SPSB4: variants seen among roughly 807,000 people sequenced by gnomAD.
SPSB4 encodes the protein splA/ryanodine receptor domain and SOCS box containing 4, also known as SPRY domain-containing SOCS box protein 4.
A neutral mutation model predicts 20.9 loss-of-function variants in SPSB4; 21 were observed. The ratio of observed to expected loss-of-function variants is 1.01; its 90% CI spans 0.71 to 1.45. The LOEUF is 1.45. SPSB4 is among the 40% of genes most tolerant of loss of function. The pLI, the probability that SPSB4 is intolerant of heterozygous loss-of-function variation, is 0.00. For synonymous variants in SPSB4, 207 were observed against 183.8 expected (o/e 1.13, Z -1.02); for missense variants, 399 against 399.2 (o/e 1.00, Z 0.00).
chr3:141,113,356 T>G (rs1938833736), intron 2 of SPSB4, among the ~76,000 whole-genome samples: 1 of 152,188 alleles, frequency 6.6e-6, no homozygotes, highest in African/African-American at 2.4e-5. Context: ...AGCAGCACCA[T>G]TCACAACAGC....
At chr3:141,134,056 C>CTTTTTTTTT (rs1222303281) in intron 2 of SPSB4, among the ~76,000 whole-genome samples, 11 of 61,632 alleles carry the variant, frequency 1.8e-4, no homozygotes, top group South Asian at 6.4e-4. Context: ...TTTCTTTTTT[C>CTTTTTTTTT]TTTTTTTTTT....
chr3:141,060,251 T>C (rs988794363), intron 1 of SPSB4, among the ~76,000 whole-genome samples: 2 of 152,208 alleles, frequency 1.3e-5, no homozygotes, highest in African/African-American at 2.4e-5. Context: ...GGGGCTGCTG[T>C]TTGGCTGTTG....
At chr3:141,082,661 A>G (rs1487694759) in intron 2 of SPSB4, among the ~76,000 whole-genome samples, 3 of 151,126 alleles carry the variant, frequency 2.0e-5, no homozygotes, top group East Asian at 3.9e-4. Flanking sequence ...CTATCTATCT[A>G]TCTTTCCATT....
intron 2 of SPSB4, among the ~76,000 whole-genome samples, chr3:141,068,650 C>G (rs964739943): frequency 6.6e-6 from 1 of 152,114 alleles, no homozygotes; most frequent in East Asian, 1.9e-4. Flanking sequence ...CCCCTTTTTG[C>G]TGCTGTAAGC....
At chr3:141,132,707 G>A (rs1180957380) in intron 2 of SPSB4, among the ~76,000 whole-genome samples, 1 of 151,872 alleles carries the variant, frequency 6.6e-6, no homozygotes, top group African/African-American at 2.4e-5. Flanking sequence ...TCATTGATGG[G>A]CATTTAGGCT....
chr3:141,116,397 C>T (rs554773113), intron 2 of SPSB4, among the ~76,000 whole-genome samples: 10 of 152,242 alleles, frequency 6.6e-5, no homozygotes, highest in African/African-American at 2.2e-4. Flanking sequence ...CAGCTGGCAC[C>T]ACCACATGGA....
intron 2 of SPSB4, among the ~76,000 whole-genome samples, chr3:141,135,680 T>C (rs1939215802): frequency 6.6e-6 from 1 of 152,168 alleles, no homozygotes; most frequent in Non-Finnish European, 1.5e-5. Flanking sequence ...ACTCATCATT[T>C]TTTATGGCTG....
At chr3:141,054,392 G>A (rs1410115012) in intron 1 of SPSB4, among the ~76,000 whole-genome samples, 2 of 152,174 alleles carry the variant, frequency 1.3e-5, no homozygotes, top group Admixed American at 1.3e-4. Context: ...TCTGTGGTAA[G>A]AAAAGATCAA....
intron 2 of SPSB4, among the ~76,000 whole-genome samples, chr3:141,083,419 A>G (rs1452343855): frequency 6.6e-6 from 1 of 152,066 alleles, no homozygotes; most frequent in African/African-American, 2.4e-5. Flanking sequence ...CCAGCAGAAG[A>G]TATGAGAAAG....
At chr3:141,105,241 G>C (rs188553182) in intron 2 of SPSB4, among the ~76,000 whole-genome samples, 1 of 152,346 alleles carries the variant, frequency 6.6e-6, no homozygotes, top group Non-Finnish European at 1.5e-5. Context: ...GGTGCGTGGT[G>C]AAACGGGATG....
intron 2 of SPSB4, among the ~76,000 whole-genome samples, chr3:141,113,312 G>A (rs1938832701): frequency 6.6e-6 from 1 of 152,142 alleles, no homozygotes; most frequent in African/African-American, 2.4e-5. Flanking sequence ...ATGAAAACAG[G>A]TAGGTATTCA....
intron 2 of SPSB4, among the ~76,000 whole-genome samples, chr3:141,086,351 G>C (rs962559654): frequency 3.3e-5 from 5 of 152,168 alleles, no homozygotes; most frequent in Admixed American, 6.5e-5. Context: ...AAACTGCCTG[G>C]GTTCCAGTCT....
intron 2 of SPSB4, among the ~76,000 whole-genome samples, chr3:141,137,186 AT>A (rs1473807227): frequency 6.6e-6 from 1 of 152,126 alleles, no homozygotes; most frequent in Non-Finnish European, 1.5e-5. Context: ...TTGCACATTG[AT>A]TTTGTATCCT....
chr3:141,095,014 G>A (rs1374246497), intron 2 of SPSB4, among the ~76,000 whole-genome samples: 1 of 152,092 alleles, frequency 6.6e-6, no homozygotes, highest in Non-Finnish European at 1.5e-5. Context: ...CACTAGGGAT[G>A]CATTGTATCA....
At position 141,147,066 on chromosome 3, in the gene SPSB4, G is replaced by A. The variant is rs114667942; in HGVS notation, c.695-76G>A. On this transcript the variant is annotated intron_variant, in intron 2 of 2. Coordinates refer to ENST00000310546, the MANE Select transcript of SPSB4 (RefSeq NM_080862.3). ...AGCTCAGAGGAGCAGGCAGGAGGCG[G>A]TATGCAGTGGGGGCTGGGATGAGAA... The A allele has an allele frequency of 1.3e-3, 2,117 of 1,586,240 alleles. 29 individuals carry two copies. The African/African-American group carries it at 0.024, about 18-fold the overall frequency.
intron 2 of SPSB4, among the ~76,000 whole-genome samples, chr3:141,088,166 A>C (rs1938386308): frequency 6.6e-6 from 1 of 152,104 alleles, no homozygotes; most frequent in Admixed American, 6.5e-5. Context: ...GGAGCTACCC[A>C]CACCTTCCCC....
chr3:141,135,362 A>ATTATTG (rs1196953029), intron 2 of SPSB4, among the ~76,000 whole-genome samples: 1 of 151,144 alleles, frequency 6.6e-6, no homozygotes, highest in African/African-American at 2.4e-5. Flanking sequence ...TATTATTATT[A>ATTATTG]TACCTTAAGT....
rs143981010 is a variant in SPSB4, at chr3:141,134,323, C to T, written c.695-12819C>T. Reference sequence around the variant, plus strand: ...CCCTTTGTTTATTTCTCTTGTCTGACTGTTCTGGCTAGGACTTCCAGCATA... The same window carrying T: ...CCCTTTGTTTATTTCTCTTGTCTGATTGTTCTGGCTAGGACTTCCAGCATA... On this transcript the variant is annotated intron_variant, in intron 2 of 2. Transcript: ENST00000310546. Among the ~76,000 whole-genome samples, 497 of 152,122 alleles carry T rather than the reference C, an allele frequency of 3.3e-3. 3 individuals carry two copies. Among genetic ancestry groups the T allele is most frequent in the African/African-American group, 0.012 (482 of 41,522 alleles).
chr3:141,123,326 CAATCTGCACCCTTGCTGA>C (rs1397178661), intron 2 of SPSB4, among the ~76,000 whole-genome samples: 4 of 152,240 alleles, frequency 2.6e-5, no homozygotes, highest in Non-Finnish European at 5.9e-5. Context: ...TTGTCTCCGC[CAATCTGCACCCTTGCTGA>C]AAGGCAACCA....
Sources: gnomAD v4.1 joint callset for allele counts (sites outside exome capture counted in the v4.1 genomes callset) on GRCh38, gnomAD v4.1.1 for gene constraint, MANE v1.5 for transcripts, NCBI Gene and HGNC (gene_info 2026-07-23, HGNC 2026-07-21) for gene names.